TMEM178B: variants seen among roughly 807,000 people sequenced by gnomAD.
TMEM178B encodes transmembrane protein 178B.
TMEM178B carries 5 observed loss-of-function variants against 31.0 expected under a neutral mutation model. The ratio of observed to expected loss-of-function variants is 0.16; its 90% CI spans 0.08 to 0.34. TMEM178B has a LOEUF of 0.34. Among genes scored for constraint, TMEM178B ranks in the 10% least tolerant of loss-of-function variants. TMEM178B has a pLI of 1.00. For synonymous variants in TMEM178B, 164 were observed against 164.0 expected, an observed-to-expected ratio of 1.00 and a Z score of 0.00; for missense variants, 275 against 400.3, an observed-to-expected ratio of 0.69 and a Z score of 2.67.
the TMEM178B span, among the ~76,000 whole-genome samples, chr7:141,499,690 G>A: frequency 2.0e-3 from 303 of 152,098 alleles, 2 homozygotes; most frequent in Non-Finnish European, 2.6e-3. Flanking sequence ...AAATTTGCCA[G>A]TGACCTTAAG....
chr7:141,085,288 T>C lies in TMEM178B; in HGVS notation c.382+10596T>C, dbSNP rs1333092346. Reference sequence around the variant, plus strand: ...CTGGGATTACAGGTGTGAGCCACCATGCCTGGCCTATTTTTTGTAAATTTG... The same window carrying C: ...CTGGGATTACAGGTGTGAGCCACCACGCCTGGCCTATTTTTTGTAAATTTG... On this transcript the variant is annotated intron_variant, in intron 1 of 3. Coordinates refer to ENST00000565468, the MANE Select transcript of TMEM178B (RefSeq NM_001195278.2). Among the ~76,000 whole-genome samples the C allele has an allele frequency of 2.0e-5, 3 of 151,082 alleles. No homozygotes were observed. In the East Asian group the frequency reaches 5.9e-4, roughly 30 times the overall value.
intron 3 of TMEM178B, among the ~76,000 whole-genome samples, chr7:141,460,199 C>T (rs1474081779): frequency 6.6e-6 from 1 of 152,206 alleles, no homozygotes; most frequent in Non-Finnish European, 1.5e-5. Flanking sequence ...TCTTACAGTT[C>T]CGGAATCCAG....
intron 3 of TMEM178B, among the ~76,000 whole-genome samples, chr7:141,439,171 T>A (rs1801610659): frequency 2.0e-5 from 3 of 152,010 alleles, no homozygotes; most frequent in African/African-American, 7.3e-5. Flanking sequence ...AGTTCTGAAT[T>A]TATTGAAGGT....
At chr7:141,498,585 G>C in the TMEM178B span, among the ~76,000 whole-genome samples, 1 of 152,232 alleles carries the variant, frequency 6.6e-6, no homozygotes, top group African/African-American at 2.4e-5. Context: ...AGCTTCCTCA[G>C]ATGAAGATAA....
chr7:141,470,913 C>A lies in TMEM178B; in HGVS notation c.*127C>A. Reference sequence around the variant, plus strand: ...AGAGTTGAGTTGGCTCAGGCACCTGCATCTCGCCGGACTTTGTGTTGCCTC... The same window carrying A: ...AGAGTTGAGTTGGCTCAGGCACCTGAATCTCGCCGGACTTTGTGTTGCCTC... On this transcript the variant is annotated 3_prime_UTR_variant, in exon 4 of 4. Coordinates refer to ENST00000565468, the MANE Select transcript of TMEM178B (RefSeq NM_001195278.2). 1 of 484,908 alleles carries A rather than the reference C, an allele frequency of 2.1e-6. No individual in the cohort carries two copies. Among genetic ancestry groups the A allele is most frequent in the Non-Finnish European group, 2.8e-6 (1 of 360,308 alleles). The allele number at this position is 484,908 out of a possible 1,614,324, so 30.0% of individuals were successfully genotyped here.
intron 2 of TMEM178B, among the ~76,000 whole-genome samples, chr7:141,247,453 C>T (rs1797755565): frequency 6.6e-6 from 1 of 152,136 alleles, no homozygotes; most frequent in Admixed American, 6.5e-5. Flanking sequence ...CCATGAGGGA[C>T]CCTGAAATGG....
At chr7:141,325,508 G>A (rs1291103500) in intron 2 of TMEM178B, among the ~76,000 whole-genome samples, 4 of 152,160 alleles carry the variant, frequency 2.6e-5, no homozygotes, top group Admixed American at 6.5e-5. Context: ...GACCTTAGGT[G>A]TGCCAATCTT....
chr7:141,254,703 A>G (rs1264447610), intron 2 of TMEM178B, among the ~76,000 whole-genome samples: 1 of 152,172 alleles, frequency 6.6e-6, no homozygotes, highest in Non-Finnish European at 1.5e-5. Flanking sequence ...CCTGGGGGAC[A>G]AGAGCGAGAC....
downstream of TMEM178B, among the ~76,000 whole-genome samples, chr7:141,483,739 CT>C (rs34741245): frequency 9.4e-4 from 135 of 143,982 alleles, no homozygotes; most frequent in Admixed American, 1.3e-3. Flanking sequence ...TGCCCTTCTT[CT>C]TTTTTTTTTT....
intron 1 of TMEM178B, among the ~76,000 whole-genome samples, chr7:141,169,703 C>T (rs116570566): frequency 1.7e-3 from 260 of 152,286 alleles, no homozygotes; most frequent in East Asian, 6.8e-3. Context: ...AGACACTTGT[C>T]CTGGCCTCAA....
At chr7:141,239,189 C>T (rs1401260068) in intron 2 of TMEM178B, among the ~76,000 whole-genome samples, 1 of 152,164 alleles carries the variant, frequency 6.6e-6, no homozygotes, top group Non-Finnish European at 1.5e-5. Flanking sequence ...CGTGCATATA[C>T]ATTTTGCTGT....
chr7:141,451,205 T>C (rs535815838), intron 3 of TMEM178B, among the ~76,000 whole-genome samples: 1 of 152,336 alleles, frequency 6.6e-6, no homozygotes, highest in African/African-American at 2.4e-5. Context: ...GACTCAAAAG[T>C]TCTGCAACCC....
intron 1 of TMEM178B, among the ~76,000 whole-genome samples, chr7:141,132,917 C>T (rs755253690): frequency 1.7e-4 from 26 of 152,246 alleles, no homozygotes; most frequent in Admixed American, 6.5e-4. Context: ...AGAGCCTTGC[C>T]GTAACCTCCA....
intron 2 of TMEM178B, among the ~76,000 whole-genome samples, chr7:141,307,179 C>CT (rs5887998): frequency 0.75 from 113,546 of 152,078 alleles, 43,368 homozygotes; most frequent in African/African-American, 0.9. Flanking sequence ...TTTTATATCA[C>CT]TTTTTTCTGA....
At chr7:141,281,993 A>G (rs907088603) in intron 2 of TMEM178B, among the ~76,000 whole-genome samples, 1 of 152,184 alleles carries the variant, frequency 6.6e-6, no homozygotes, top group African/African-American at 2.4e-5. Flanking sequence ...CTGGTAGAGT[A>G]GGGATTGTAT....
At chr7:141,271,112 C>G (rs1042049818) in intron 2 of TMEM178B, among the ~76,000 whole-genome samples, 1 of 152,170 alleles carries the variant, frequency 6.6e-6, no homozygotes, top group African/African-American at 2.4e-5. Flanking sequence ...CCCTGAGTAA[C>G]AGAGGAGTCC....
chr7:141,293,752 C>T (rs1239554667), intron 2 of TMEM178B, among the ~76,000 whole-genome samples: 1 of 152,120 alleles, frequency 6.6e-6, no homozygotes, highest in Admixed American at 6.5e-5. Context: ...AAAGTTTTGT[C>T]TATAGCAGAA....
At chr7:141,499,090 G>C in the TMEM178B span, among the ~76,000 whole-genome samples, 161 of 152,300 alleles carry the variant, frequency 1.1e-3, no homozygotes, top group Non-Finnish European at 1.5e-3. Flanking sequence ...TTTCATTTAA[G>C]TTTTAATAGA....
At position 141,475,640 on chromosome 7, in the gene TMEM178B, C is replaced by T. The variant is rs1802349468; in HGVS notation, c.*4854C>T. On this transcript the variant is annotated 3_prime_UTR_variant, in exon 4 of 4. Transcript: ENST00000565468. ...GTCTGCGTTGAGTTGACCCTGTGTT[C>T]CTGGCAGCAAGAGTGCAGGGCCCTG... 6.6e-6 allele frequency: 1 copy of T among 152,184 alleles called. No homozygotes were observed. The highest frequency in any genetic ancestry group is 1.9e-4 in the East Asian group (1 of 5,172). The allele number at this position is 152,184 out of a possible 1,614,324, so 9.4% of individuals were successfully genotyped here. A position where few individuals can be genotyped will look rare whatever the true frequency, so the allele number is the denominator to read the frequency against.
Sources: allele counts gnomAD v4.1 joint callset (sites outside exome capture counted in the v4.1 genomes callset), GRCh38; gene constraint gnomAD v4.1.1; transcripts MANE v1.5; gene names NCBI Gene and HGNC (gene_info 2026-07-23, HGNC 2026-07-21).